DCT: variants seen among roughly 807,000 people sequenced by gnomAD.
The protein encoded by DCT is L-dopachrome tautomerase.
A neutral mutation model predicts 53.0 loss-of-function variants in DCT; 47 were observed. The observed-to-expected ratio is 0.89, with a 90% confidence interval of 0.70 to 1.13. The LOEUF is 1.13. DCT is among the 50% of genes most tolerant of loss of function. DCT has a pLI of 0.00. For missense variants in DCT, 669 were observed against 637.4 expected (o/e 1.05, Z -0.53); for synonymous variants, 244 against 237.0 (o/e 1.03, Z -0.27).
At chr13:94,549,331 C>A in the DCT span, among the ~76,000 whole-genome samples, 1 of 152,234 alleles carries the variant, frequency 6.6e-6, no homozygotes, top group Non-Finnish European at 1.5e-5. Flanking sequence ...TCACACCAGC[C>A]CCCCAGGCGG....
intron 6 of DCT, among the ~76,000 whole-genome samples, chr13:94,453,464 T>G (rs573714092): frequency 3.3e-5 from 5 of 152,316 alleles, no homozygotes; most frequent in Non-Finnish European, 7.4e-5. Flanking sequence ...AATGTTATTT[T>G]ATTTTTTTAC....
chr13:94,502,746 C>T, the DCT span, among the ~76,000 whole-genome samples: 2 of 152,004 alleles, frequency 1.3e-5, no homozygotes, highest in African/African-American at 2.4e-5. Flanking sequence ...AAATCTTTCT[C>T]GTCTACTAGC....
At chr13:94,499,667 T>G in the DCT span, among the ~76,000 whole-genome samples, 1 of 152,194 alleles carries the variant, frequency 6.6e-6, no homozygotes, top group African/African-American at 2.4e-5. Flanking sequence ...AGACACCATT[T>G]CAGTTTTACA....
intron 1 of DCT, among the ~76,000 whole-genome samples, chr13:94,476,527 G>A (rs563198108): frequency 1.2e-4 from 17 of 143,106 alleles, no homozygotes; most frequent in Non-Finnish European, 1.8e-4. Flanking sequence ...CCCAGGCTGC[G>A]TGCAGTGGCG....
chr13:94,478,515 A>G (rs996450728), intron 1 of DCT, among the ~76,000 whole-genome samples: 1 of 152,184 alleles, frequency 6.6e-6, no homozygotes, highest in African/African-American at 2.4e-5. Flanking sequence ...TCAAATCATG[A>G]GAAATGCTGA....
intron 6 of DCT, among the ~76,000 whole-genome samples, chr13:94,449,484 T>C (rs1882946023): frequency 6.6e-6 from 1 of 152,208 alleles, no homozygotes. Flanking sequence ...GAAGGCATCC[T>C]TTGTCATCAG....
intron 1 of DCT, among the ~76,000 whole-genome samples, chr13:94,472,574 T>A (rs1417394569): frequency 2.4e-4 from 6 of 24,686 alleles, no homozygotes; most frequent in Non-Finnish European, 4.7e-4. Context: ...ATATATTTTT[T>A]TTTTTTTTTT....
intron 6 of DCT, among the ~76,000 whole-genome samples, chr13:94,457,149 AAAAC>A (rs1883461741): frequency 6.6e-6 from 1 of 152,254 alleles, no homozygotes; most frequent in Non-Finnish European, 1.5e-5. Flanking sequence ...AAAGAAAAGA[AAAAC>A]AAACTTCTAT....
At chr13:94,529,512 A>G in the DCT span, among the ~76,000 whole-genome samples, 1 of 152,252 alleles carries the variant, frequency 6.6e-6, no homozygotes, top group African/African-American at 2.4e-5. Context: ...AACTACATGG[A>G]AACGGAACAA....
At chr13:94,477,107 AT>A (rs1566863331) in intron 1 of DCT, among the ~76,000 whole-genome samples, 1 of 151,898 alleles carries the variant, frequency 6.6e-6, no homozygotes, top group Non-Finnish European at 1.5e-5. Context: ...TTATTTATTT[AT>A]TTTTTTGAGA....
At chr13:94,530,874 T>A in the DCT span, among the ~76,000 whole-genome samples, 8 of 152,312 alleles carry the variant, frequency 5.3e-5, no homozygotes, top group East Asian at 1.5e-3. Flanking sequence ...ATGACATTAT[T>A]GTATATTTAG....
In DCT at chr13:94,478,942, C is replaced by T. The variant is rs369559246; in HGVS notation, c.295+19G>A. On this transcript the variant is annotated intron_variant, in intron 1 of 7. Transcript: ENST00000377028. ...CCCAGCTCTGGCCCTCCCCACCAAG[C>T]TTGGAGCATGGGCCTCACCTGTGCA... is the stretch of plus-strand genomic sequence containing the variant. The T allele has an allele frequency of 1.9e-6, 3 of 1,581,062 alleles. No homozygotes were observed. In the African/African-American group the frequency reaches 4.0e-5, roughly 21 times the overall value.
At chr13:94,461,042 A>G (rs1883753961) in intron 5 of DCT, among the ~76,000 whole-genome samples, 1 of 152,198 alleles carries the variant, frequency 6.6e-6, no homozygotes, top group Admixed American at 6.5e-5. Flanking sequence ...CCTTCAGAGT[A>G]GTGTCAAAGG....
the DCT span, among the ~76,000 whole-genome samples, chr13:94,519,859 T>C: frequency 7.9e-5 from 12 of 152,062 alleles, no homozygotes; most frequent in Non-Finnish European, 1.6e-4. Flanking sequence ...TTGAGACATG[T>C]CCATTATTCT....
At chr13:94,547,802 C>T in the DCT span, among the ~76,000 whole-genome samples, 1 of 151,096 alleles carries the variant, frequency 6.6e-6, no homozygotes, top group East Asian at 1.9e-4. Context: ...CCAGCCTGGC[C>T]AACATAGCAA....
chr13:94,547,984 A>AAAAAATATATATAT, the DCT span, among the ~76,000 whole-genome samples: 1 of 65,818 alleles, frequency 1.5e-5, no homozygotes, highest in African/African-American at 1.3e-4. Context: ...AAAAAAAAAA[A>AAAAAATATATATAT]ATATATATAT....
chr13:94,519,145 A>G, the DCT span, among the ~76,000 whole-genome samples: 15 of 152,264 alleles, frequency 9.9e-5, no homozygotes, highest in South Asian at 2.7e-3. Flanking sequence ...TCTGCTAATG[A>G]TATCCTGCTA....
intron 3 of DCT, 30 bp downstream of exon 3, chr13:94,466,528 A>G (rs1413300497): frequency 6.9e-7 from 1 of 1,459,756 alleles, no homozygotes; most frequent in Non-Finnish European, 9.3e-7. Flanking sequence ...TTAAAAAATT[A>G]AAAGAACTAA....
the DCT span, among the ~76,000 whole-genome samples, chr13:94,485,232 A>G: frequency 6.6e-6 from 1 of 152,308 alleles, no homozygotes; most frequent in African/African-American, 2.4e-5. Context: ...AAGAAGATTC[A>G]TAGATTTTGT....
Sources: gnomAD v4.1 joint callset for allele counts (sites outside exome capture counted in the v4.1 genomes callset) on GRCh38, gnomAD v4.1.1 for gene constraint, MANE v1.5 for transcripts, NCBI Gene and HGNC (gene_info 2026-07-23, HGNC 2026-07-21) for gene names.